The following DHRSX variants were observed in gnomAD, a reference collection of about 807,000 sequenced individuals.
DHRSX encodes dehydrogenase/reductase X-linked.
In DHRSX, 31 loss-of-function variants were observed where a neutral mutation model predicts 34.0. That is an observed-to-expected ratio of 0.91 (90% CI 0.69 to 1.23). The LOEUF (loss-of-function observed/expected upper bound fraction) is 1.23, where lower values mean the gene tolerates loss of function less well. DHRSX is among the 50% of genes most tolerant of loss of function. The pLI is 0.00. For synonymous variants in DHRSX, 201 were observed against 183.8 expected (o/e 1.09, Z -0.76); for missense variants, 414 against 428.1 (o/e 0.97, Z 0.29).
intron 5 of DHRSX, among the ~76,000 whole-genome samples, chrX:2,257,551 G>A (rs2041296147): frequency 3.9e-5 from 6 of 152,162 alleles, no homozygotes; most frequent in African/African-American, 7.2e-5. Flanking sequence ...ACTGAATTAC[G>A]TCTCCCCAGA....
intron 4 of DHRSX, among the ~76,000 whole-genome samples, chrX:2,282,860 G>C (rs865960063): frequency 7.5e-6 from 1 of 133,850 alleles, no homozygotes; most frequent in South Asian, 2.5e-4. Context: ...GAAGGGAGAA[G>C]GGGAGAGAGA....
intron 3 of DHRSX, among the ~76,000 whole-genome samples, chrX:2,341,716 G>T (rs1259967864): frequency 6.6e-6 from 1 of 151,894 alleles, no homozygotes; most frequent in African/African-American, 2.4e-5. Context: ...TACAGGGGTT[G>T]AGAAGAAATA....
chrX:2,295,191 T>C (rs1478433998), intron 3 of DHRSX, among the ~76,000 whole-genome samples: 1 of 152,060 alleles, frequency 6.6e-6, no homozygotes, highest in African/African-American at 2.4e-5. Context: ...CCATCAATGA[T>C]AGACTGGATA....
chrX:2,395,863 G>C (rs1247214097), intron 3 of DHRSX, among the ~76,000 whole-genome samples: 1 of 152,076 alleles, frequency 6.6e-6, no homozygotes, highest in African/African-American at 2.4e-5. Context: ...TATCAGCAAT[G>C]CAACTAGATA....
intron 4 of DHRSX, among the ~76,000 whole-genome samples, chrX:2,286,483 AC>A (rs1569483966): frequency 6.6e-6 from 1 of 152,138 alleles, no homozygotes; most frequent in Non-Finnish European, 1.5e-5. Context: ...CACCCTGGGT[AC>A]CTCGGGAGGC....
chrX:2,437,694 AGAGAGTGTGTGTGT>A (rs1193619490), intron 1 of DHRSX, among the ~76,000 whole-genome samples: 166 of 69,278 alleles, frequency 2.4e-3, no homozygotes, highest in South Asian at 5.9e-3. Context: ...AGAGAGAGAG[AGAGAGTGTGTGTGT>A]GTGTGTGTGT....
At chrX:2,324,325 G>C (rs1466728779) in intron 3 of DHRSX, among the ~76,000 whole-genome samples, 3 of 152,148 alleles carry the variant, frequency 2.0e-5, no homozygotes, top group Non-Finnish European at 2.9e-5. Context: ...AAGCTGCACA[G>C]AGCTCCGTAG....
At chrX:2,393,221 T>C (rs1300875366) in intron 3 of DHRSX, among the ~76,000 whole-genome samples, 2 of 151,038 alleles carry the variant, frequency 1.3e-5, no homozygotes, top group Non-Finnish European at 2.9e-5. Context: ...ATACAATAAA[T>C]ATATGAACCT....
chrX:2,476,302 G>A (rs1329546719), intron 1 of DHRSX, among the ~76,000 whole-genome samples: 1 of 151,764 alleles, frequency 6.6e-6, no homozygotes, highest in Non-Finnish European at 1.5e-5. Flanking sequence ...AGAGGCTAAC[G>A]CAGGAGAACT....
At chrX:2,407,800 A>C (rs1201937941) in intron 3 of DHRSX, among the ~76,000 whole-genome samples, 4 of 152,192 alleles carry the variant, frequency 2.6e-5, no homozygotes, top group Middle Eastern at 3.2e-3. Context: ...AAGAGGAGCA[A>C]GGGATGAGAA....
chrX:2,413,499 T>C (rs1237013557), intron 2 of DHRSX, among the ~76,000 whole-genome samples: 2 of 152,104 alleles, frequency 1.3e-5, no homozygotes, highest in Admixed American at 1.3e-4. Context: ...GAATTGGCCA[T>C]TCCAGATGGA....
intron 4 of DHRSX, among the ~76,000 whole-genome samples, chrX:2,276,498 G>A (rs145182018): frequency 0.02 from 3,092 of 152,140 alleles, 102 homozygotes; most frequent in African/African-American, 0.069. Flanking sequence ...TAAAATTATC[G>A]TCCATTGATC....
intron 1 of DHRSX, among the ~76,000 whole-genome samples, chrX:2,448,583 T>C (rs35772687): frequency 0.63 from 93,711 of 149,648 alleles, 31,006 homozygotes; most frequent in African/African-American, 0.85. Context: ...GTTTATTAGC[T>C]TGATTATTAA....
intron 3 of DHRSX, among the ~76,000 whole-genome samples, chrX:2,406,207 G>A (rs1430954478): frequency 9.9e-5 from 15 of 151,058 alleles, no homozygotes; most frequent in Non-Finnish European, 2.2e-4. Context: ...CAGAAGAATC[G>A]CTTGAACCTG....
intron 3 of DHRSX, among the ~76,000 whole-genome samples, chrX:2,336,660 C>G (rs2042569304): frequency 6.6e-6 from 1 of 151,076 alleles, no homozygotes. Flanking sequence ...AGTGCAAAGG[C>G]ATGATCTTGG....
intron 3 of DHRSX, among the ~76,000 whole-genome samples, chrX:2,320,904 T>G (rs1245146337): frequency 6.6e-6 from 1 of 152,122 alleles, no homozygotes; most frequent in East Asian, 1.9e-4. Flanking sequence ...ACGTACAGCC[T>G]GTCTGCCTGA....
intron 6 of DHRSX, among the ~76,000 whole-genome samples, chrX:2,233,901 G>T (rs1339374784): frequency 2.0e-5 from 3 of 152,154 alleles, no homozygotes; most frequent in African/African-American, 7.2e-5. Flanking sequence ...TTACAGTGGA[G>T]AAAATGGTTT....
intron 3 of DHRSX, among the ~76,000 whole-genome samples, chrX:2,397,928 G>A (rs867710324): frequency 6.4e-5 from 4 of 62,978 alleles, no homozygotes; most frequent in African/African-American, 2.4e-4. Flanking sequence ...TCCTCAGAGC[G>A]CGCACACACA....
intron 3 of DHRSX, among the ~76,000 whole-genome samples, chrX:2,296,085 C>T (rs923896003): frequency 2.0e-5 from 3 of 152,128 alleles, no homozygotes; most frequent in Non-Finnish European, 2.9e-5. Flanking sequence ...ATCTGGCTTC[C>T]GCAATCGCAA....
Sources: allele counts gnomAD v4.1 joint callset (sites outside exome capture counted in the v4.1 genomes callset), GRCh38; gene constraint gnomAD v4.1.1; transcripts MANE v1.5; gene names NCBI Gene and HGNC (gene_info 2026-07-23, HGNC 2026-07-21).